The following CNNM1 variants were observed in gnomAD, a reference collection of about 807,000 sequenced individuals.
CNNM1 encodes metal transporter CNNM1.
CNNM1 carries 44 observed loss-of-function variants against 78.8 expected under a neutral mutation model. The observed-to-expected ratio is 0.56, with a 90% CI of 0.44 to 0.72. CNNM1 has a LOEUF of 0.72. CNNM1 is among the 30% of genes least tolerant of loss of function. The pLI is 0.00. For missense variants in CNNM1, 1,101 were observed against 1,292.2 expected (o/e 0.85, Z 2.27); for synonymous variants, 584 against 581.5 (o/e 1.00, Z -0.06).
intron 1 of CNNM1, among the ~76,000 whole-genome samples, chr10:99,345,553 C>A (rs947226090): frequency 6.6e-6 from 1 of 152,166 alleles, no homozygotes; most frequent in Non-Finnish European, 1.5e-5. Context: ...TGGTTTGTGA[C>A]CTGAGAATGA....
In CNNM1 at chr10:99,378,337, G is replaced by A. The variant is rs576417400; in HGVS notation, c.2340+1119G>A. Among the ~76,000 whole-genome samples, 3 of 152,310 alleles carry A rather than the reference G, an allele frequency of 2.0e-5. No homozygotes were observed. The South Asian group carries it at 6.2e-4, about 32-fold the overall frequency. The stretch of plus-strand genomic sequence containing the variant: ...CTAGCTAGAGCCCCATTTATCCCAG[G>A]CCAGCAGAACACCCAGTGGGTTCAC... On this transcript the variant is annotated intron_variant, in intron 7 of 10. Coordinates refer to ENST00000356713, the MANE Select transcript of CNNM1 (RefSeq NM_020348.3).
chr10:99,353,064 G>C (rs1331329018), intron 1 of CNNM1, among the ~76,000 whole-genome samples: 1 of 151,848 alleles, frequency 6.6e-6, no homozygotes, highest in Admixed American at 6.6e-5. Context: ...CCAGTTACCA[G>C]CTACTATTTG....
At chr10:99,356,456 C>T (rs1023568604) in intron 1 of CNNM1, among the ~76,000 whole-genome samples, 6 of 148,766 alleles carry the variant, frequency 4.0e-5, no homozygotes, top group African/African-American at 1.5e-4. Context: ...AGCCTGGCGA[C>T]AGAGAGAGAC....
chr10:99,370,154 C>T (rs560030311), intron 6 of CNNM1, among the ~76,000 whole-genome samples: 2 of 152,190 alleles, frequency 1.3e-5, no homozygotes, highest in Non-Finnish European at 2.9e-5. Flanking sequence ...GTGATTCCCT[C>T]CTGCTGTGCA....
chr10:99,381,456 T>C (rs2032155196), intron 7 of CNNM1, among the ~76,000 whole-genome samples: 1 of 144,200 alleles, frequency 6.9e-6, no homozygotes, highest in South Asian at 2.2e-4. Context: ...CAAAAACCTC[T>C]TTAGGCCAGG....
chr10:99,362,436 G>A, intron 4 of CNNM1, 40 bp downstream of exon 4: 1 of 1,585,436 alleles, frequency 6.3e-7, no homozygotes, highest in Non-Finnish European at 8.6e-7. Flanking sequence ...AGCCAGAGGA[G>A]GGCATCTCCA....
chr10:99,342,246 C>G (rs190056887), intron 1 of CNNM1, among the ~76,000 whole-genome samples: 5 of 152,312 alleles, frequency 3.3e-5, no homozygotes. Flanking sequence ...AGACCTGGGA[C>G]AGTTCTTTCT....
chr10:99,350,808 C>T (rs1029711979), intron 1 of CNNM1, among the ~76,000 whole-genome samples: 3 of 152,146 alleles, frequency 2.0e-5, no homozygotes, highest in East Asian at 1.9e-4. Context: ...CCCCACCCCC[C>T]TAATAGGCCA....
At chr10:99,382,557 G>C (rs1468482406) in intron 7 of CNNM1, among the ~76,000 whole-genome samples, 1 of 152,204 alleles carries the variant, frequency 6.6e-6, no homozygotes, top group Non-Finnish European at 1.5e-5. Flanking sequence ...GAGGCCAGGA[G>C]TGTGAGACCA....
In CNNM1 at chr10:99,390,380, G is replaced by T. The variant is rs757752177; in HGVS notation, c.2749G>T (p.Val917Leu). Residue 917 changes from valine to leucine, a missense_variant, in exon 10 of 11, where the codon GTG (valine) becomes TTG (leucine). By Grantham distance (32) the Val-to-Leu change is conservative. Transcript: ENST00000356713. ...CTGCAGTAGCGATTTTGAGGAAAACGTGGGCAAGAAGCTGCTGAGAACCTT... is the reference window on the plus strand; with the variant it reads ...CTGCAGTAGCGATTTTGAGGAAAACTTGGGCAAGAAGCTGCTGAGAACCTT... ...SPCSSDFEEN[V>L]GKKLLRTLSG... is the part of the protein sequence containing the mutation. 1.2e-6 allele frequency: 2 copies of T among 1,612,828 alleles called. No homozygotes were observed. The highest frequency in any genetic ancestry group is 1.7e-6 in the Non-Finnish European group (2 of 1,179,380).
chr10:99,390,193 G>A (rs2032431806), intron 9 of CNNM1, 113 bp from the exon 10 acceptor site: 2 of 741,408 alleles, frequency 2.7e-6, no homozygotes, highest in East Asian at 5.5e-5. Context: ...CCCTCACCTT[G>A]GCTCACGTCT....
chr10:99,362,954 T>G (rs2031490365), intron 4 of CNNM1, among the ~76,000 whole-genome samples: 1 of 152,188 alleles, frequency 6.6e-6, no homozygotes, highest in Non-Finnish European at 1.5e-5. Context: ...GAAAATGACC[T>G]GTTCAAAGAA....
intron 7 of CNNM1, among the ~76,000 whole-genome samples, chr10:99,381,682 C>T (rs1375812848): frequency 6.6e-6 from 1 of 150,530 alleles, no homozygotes; most frequent in Non-Finnish European, 1.5e-5. Context: ...GCGGAGGTTG[C>T]GGTGAGCCGA....
chr10:99,338,755 T>G (rs1438213091), intron 1 of CNNM1, among the ~76,000 whole-genome samples: 3 of 152,104 alleles, frequency 2.0e-5, no homozygotes, highest in Non-Finnish European at 4.4e-5. Flanking sequence ...TTGCACATAA[T>G]AACAATCTTA....
At position 99,356,600 on chromosome 10, in the gene CNNM1, G is replaced by GAAAGAAAGA. The variant is rs780076032; in HGVS notation, c.1574-905_1574-904insGAAAAGAAA. On this transcript the variant is annotated intron_variant, in intron 1 of 10. Transcript: ENST00000356713. ...AGAAAGAAAGAAAGAAAGAAAGAAA[G>GAAAGAAAGA]AAAGAAAAGAAAGAAAGAAAGAAAA... Among the ~76,000 whole-genome samples, 922 of 129,050 alleles carry GAAAGAAAGA rather than the reference G, an allele frequency of 7.1e-3. 11 individuals carry two copies. Among genetic ancestry groups the GAAAGAAAGA allele is most frequent in the East Asian group, 0.036 (161 of 4,512 alleles). The allele number at this position is 129,050 out of a possible 152,430, so 84.7% of individuals were successfully genotyped here.
intron 1 of CNNM1, 82 bp downstream of exon 1, chr10:99,331,042 A>G: frequency 4.4e-6 from 6 of 1,367,750 alleles, no homozygotes; most frequent in Non-Finnish European, 5.9e-6. Context: ...GGCTCTAGGT[A>G]CCCAAAGCAA....
At chr10:99,378,943 G>A (rs1224920850) in intron 7 of CNNM1, among the ~76,000 whole-genome samples, 3 of 152,122 alleles carry the variant, frequency 2.0e-5, no homozygotes, top group Non-Finnish European at 4.4e-5. Context: ...ATATGACTGC[G>A]GACACTTAAG....
intron 1 of CNNM1, among the ~76,000 whole-genome samples, chr10:99,356,482 AAGAAAGAGAGAG>A (rs768700038): frequency 4.8e-4 from 29 of 60,738 alleles, no homozygotes; most frequent in East Asian, 1.6e-3. Flanking sequence ...CTCAGAAAGA[AAGAAAGAGAGAG>A]AGAGAGAGAG....
At chr10:99,354,152 T>A (rs2031043840) in intron 1 of CNNM1, among the ~76,000 whole-genome samples, 1 of 152,212 alleles carries the variant, frequency 6.6e-6, no homozygotes, top group Admixed American at 6.5e-5. Flanking sequence ...TGTCATCTGC[T>A]AGCACATATT....
Sources: gnomAD v4.1 joint callset for allele counts (sites outside exome capture counted in the v4.1 genomes callset) on GRCh38, gnomAD v4.1.1 for gene constraint, MANE v1.5 for transcripts, NCBI Gene and HGNC (gene_info 2026-07-23, HGNC 2026-07-21) for gene names.